Variants in CSTB observed in about 807,000 individuals in gnomAD.
CSTB encodes cystatin-B.
Under a neutral mutation model 7.6 loss-of-function variants are expected in CSTB, and 8 were observed. The observed-to-expected ratio is 1.05, with a 90% confidence interval of 0.62 to 1.89. CSTB has a LOEUF of 1.89. CSTB is among the 40% of genes most tolerant of loss of function. CSTB has a pLI of 0.00. For synonymous variants in CSTB, 56 were observed against 55.3 expected (o/e 1.01, Z -0.06); for missense variants, 124 against 126.4 (o/e 0.98, Z 0.09).
At chr21:43,774,494 G>A in intron 2 of CSTB, 164 bp from the exon 3 acceptor site, 12 of 1,226,276 alleles carry the variant, frequency 9.8e-6, no homozygotes, top group Non-Finnish European at 1.4e-5. Flanking sequence ...CTCCCCAGAA[G>A]CCCTAGTCCT....
chr21:43,773,960 A>T lies in CSTB; in HGVS notation c.*242T>A, dbSNP rs2083997562. ...AAAGGAGGCAATCTGTAAGGATTTT[A>T]AAAATATATCTATTTTGAAAATATT... On this transcript the variant is annotated 3_prime_UTR_variant, in exon 3 of 3. Transcript: ENST00000291568. 1 of 549,918 alleles carries T rather than the reference A, an allele frequency of 1.8e-6. No individual in the cohort carries two copies. Among genetic ancestry groups the T allele is most frequent in the Non-Finnish European group, 3.2e-6 (1 of 309,282 alleles). 34.1% of individuals were successfully genotyped at this position (549,918 alleles called of 1,614,324 possible).
intron 1 of CSTB, chr21:43,775,967 T>C (rs1363873014): frequency 2.2e-6 from 1 of 449,644 alleles, no homozygotes; most frequent in East Asian, 3.8e-5. Flanking sequence ...CAATTCCCAC[T>C]CGCCCTTGCT....
chr21:43,776,133 C>T (rs910933433), intron 1 of CSTB, 71 bp downstream of exon 1: 2 of 1,408,402 alleles, frequency 1.4e-6, no homozygotes, highest in Middle Eastern at 2.4e-4. Context: ...TTCTTTCGCT[C>T]CAGGAGCCGC....
intron 1 of CSTB, 95 bp downstream of exon 1, chr21:43,776,109 G>A (rs972303724): frequency 9.3e-6 from 11 of 1,184,860 alleles, no homozygotes; most frequent in Middle Eastern, 2.7e-4. Flanking sequence ...GGTGCGCAGC[G>A]GGGCCAAAGC....
rs2083999421 is a variant in CSTB at position 43,774,300 on chromosome 21, G to T, written c.199C>A (p.Leu67Met). 6.2e-7 allele frequency: 1 copy of T among 1,614,212 alleles called. No individual in the cohort carries two copies. Among genetic ancestry groups the T allele is most frequent in the East Asian group, 2.2e-5 (1 of 44,892 alleles). ...TGAGGGAGAGATTGGAACACTCGCA[G>T]GTGTACGAAGTCCTCGTCGCCGACG... is the stretch of plus-strand genomic sequence containing the variant. ...VHVGDEDFVH[L>M]RVFQSLPHEN... The change falls in exon 3 of 3, where the codon CTG becomes ATG. Residue 67 changes from leucine to methionine, a missense_variant. By Grantham distance (15) the Leu-to-Met change is conservative. Coordinates refer to ENST00000291568, the MANE Select transcript of CSTB (RefSeq NM_000100.4).
chr21:43,774,785 T>C (rs374092254), intron 1 of CSTB, 26 bp from the exon 2 acceptor site: 11 of 1,567,610 alleles, frequency 7.0e-6, no homozygotes, highest in African/African-American at 4.1e-5. Context: ...AGAATGAGGA[T>C]GTCTCAGTGG....
At position 43,774,655 on chromosome 21, in the gene CSTB, T is replaced by C. The variant is rs878898846; in HGVS notation, c.168+3A>G. ...GCAGGCCCTCCTGAGGCCCACACTC[T>C]ACCTTGATGAAGTAGTTTGTCCCCG... On this transcript the variant is annotated splice_donor_region_variant and intron_variant, in intron 2 of 2. Coordinates refer to ENST00000291568, the MANE Select transcript of CSTB (RefSeq NM_000100.4). 1 of 1,612,644 alleles carries C rather than the reference T, an allele frequency of 6.2e-7. No homozygotes were observed.
At chr21:43,774,546 AG>A in intron 2 of CSTB, 111 bp downstream of exon 2, 2 of 1,150,710 alleles carry the variant, frequency 1.7e-6, no homozygotes, top group Non-Finnish European at 2.6e-6. Context: ...TGCTTATCTC[AG>A]GGGGCAGCCA....
rs910966552 is a variant in CSTB, at chr21:43,774,645, G to A, written c.168+13C>T. The A allele has an allele frequency of 8.1e-6, 13 of 1,607,662 alleles. No individual in the cohort carries two copies. The East Asian group carries it at 1.3e-4, about 17-fold the overall frequency. On this transcript the variant is annotated intron_variant, in intron 2 of 2. Transcript: ENST00000291568. ...CCCGTTCGGGGCAGGCCCTCCTGAGGCCCACACTCTACCTTGATGAAGTAG... is the reference window on the plus strand; with the variant it reads ...CCCGTTCGGGGCAGGCCCTCCTGAGACCCACACTCTACCTTGATGAAGTAG...
rs757591317 is a variant in CSTB, at chr21:43,774,336, AAG to A, written c.169-8_169-7del. Reference sequence around the variant, plus strand: ...TCCTCGTCGCCGACGTGCACCTGGGAAGAGAGCGGAGTGAGCGAAGCCTCTGA... The same window carrying A: ...TCCTCGTCGCCGACGTGCACCTGGGAAGAGCGGAGTGAGCGAAGCCTCTGA... On this transcript the variant is annotated splice_region_variant and splice_polypyrimidine_tract_variant and intron_variant, in intron 2 of 2. Transcript: ENST00000291568. 6.2e-7 allele frequency: 1 copy of A among 1,614,156 alleles called. No homozygotes were observed. The highest frequency in any genetic ancestry group is 8.5e-7 in the Non-Finnish European group (1 of 1,180,038).
At chr21:43,775,333 G>C (rs2084005148) in intron 1 of CSTB, 1 of 174,508 alleles carries the variant, frequency 5.7e-6, no homozygotes, top group South Asian at 1.2e-4. Context: ...GTGCTCCACC[G>C]GAGGGGGCTT....
rs140640961 is a variant in CSTB at position 43,775,964 on chromosome 21, C to T, written c.66+240G>A. 141 of 449,066 alleles carry T rather than the reference C, an allele frequency of 3.1e-4. 1 individual carries two copies. The East Asian group carries it at 5.3e-3, about 17-fold the overall frequency. The allele number at this position is 449,066 out of a possible 1,614,324, so 27.8% of individuals were successfully genotyped here. On this transcript the variant is annotated intron_variant, in intron 1 of 2. Coordinates refer to ENST00000291568, the MANE Select transcript of CSTB (RefSeq NM_000100.4). ...CACCCTGCTCCGGGCTATCAATTCC[C>T]ACTCGCCCTTGCTGTATTCAGCGGA...
chr21:43,774,827 G>T lies in CSTB; in HGVS notation c.67-68C>A, dbSNP rs184464920. On this transcript the variant is annotated intron_variant, in intron 1 of 2. Coordinates refer to ENST00000291568, the MANE Select transcript of CSTB (RefSeq NM_000100.4). Reference sequence around the variant, plus strand: ...GGATTCCCTCCTGCTAGAGTAACTTGCACGCATGTGAGCACACACACGATT... The same window carrying T: ...GGATTCCCTCCTGCTAGAGTAACTTTCACGCATGTGAGCACACACACGATT... 93 of 1,113,080 alleles carry T rather than the reference G, an allele frequency of 8.4e-5. No homozygotes were observed. The African/African-American group carries it at 1.3e-3, about 16-fold the overall frequency. 69.0% of individuals were successfully genotyped at this position (1,113,080 alleles called of 1,614,324 possible).
rs1024515544 is a variant in CSTB, at chr21:43,774,150, G to A, written c.*52C>T. On this transcript the variant is annotated 3_prime_UTR_variant, in exon 3 of 3. Transcript: ENST00000291568. ...ATCACAAGTGCACGCTCTGGTAGAC[G>A]GAGGATGACTTTGTCAGTCTTCTGG... 1.1e-5 allele frequency: 17 copies of A among 1,612,914 alleles called. No individual in the cohort carries two copies. The highest frequency in any genetic ancestry group is 2.7e-5 in the African/African-American group (2 of 74,892).
chr21:43,774,853 C>T (rs2084002722), intron 1 of CSTB, 94 bp from the exon 2 acceptor site: 2 of 841,050 alleles, frequency 2.4e-6, no homozygotes, highest in Non-Finnish European at 4.1e-6. Flanking sequence ...ACACACGATT[C>T]TGACACTGGC....
Position 43,774,044 on chromosome 21 carries a change from G to A in CSTB, c.*158C>T. On this transcript the variant is annotated 3_prime_UTR_variant, in exon 3 of 3. Coordinates refer to ENST00000291568, the MANE Select transcript of CSTB (RefSeq NM_000100.4). ...AAGAAATCAACACAATGAAATTTAG[G>A]AAGAGAAATGCAAAAGCAGCTGCAG... is the stretch of plus-strand genomic sequence containing the variant. The A allele has an allele frequency of 1.2e-6, 1 of 804,008 alleles. No homozygotes were observed. 49.8% of individuals were successfully genotyped at this position (804,008 alleles called of 1,614,324 possible). A position where few individuals can be genotyped will look rare whatever the true frequency, so the allele number is the denominator to read the frequency against.
intron 1 of CSTB, chr21:43,775,959 A>G: frequency 2.2e-6 from 1 of 444,722 alleles, no homozygotes; most frequent in Non-Finnish European, 3.9e-6. Flanking sequence ...CGGGCTATCA[A>G]TTCCCACTCG....
In CSTB at chr21:43,773,963, A is replaced by C. The variant is rs925620723; in HGVS notation, c.*239T>G. On this transcript the variant is annotated 3_prime_UTR_variant, in exon 3 of 3. Transcript: ENST00000291568. ...GGAGGCAATCTGTAAGGATTTTAAA[A>C]ATATATCTATTTTGAAAATATTCTG... The C allele has an allele frequency of 5.4e-6, 3 of 558,248 alleles. No individual in the cohort carries two copies. Among genetic ancestry groups the C allele is most frequent in the Non-Finnish European group, 9.5e-6 (3 of 314,572 alleles). 34.6% of individuals were successfully genotyped at this position (558,248 alleles called of 1,614,324 possible).
At chr21:43,775,962 C>T (rs563916551) in intron 1 of CSTB, 64 of 446,150 alleles carry the variant, frequency 1.4e-4, no homozygotes, top group African/African-American at 1.3e-3. Flanking sequence ...GCTATCAATT[C>T]CCACTCGCCC....
Sources: gnomAD v4.1 joint callset for allele counts on GRCh38, gnomAD v4.1.1 for gene constraint, MANE v1.5 for transcripts, NCBI Gene and HGNC (gene_info 2026-07-23, HGNC 2026-07-21) for gene names.